ZRANB3: variants seen among roughly 807,000 people sequenced by gnomAD.
The protein encoded by ZRANB3 is zinc finger RANBP2-type containing 3.
Under a neutral mutation model 133.8 loss-of-function variants are expected in ZRANB3, and 125 were observed. The ratio of observed to expected loss-of-function variants is 0.93; its 90% CI spans 0.81 to 1.08. The LOEUF (loss-of-function observed/expected upper bound fraction) is 1.08, where lower values mean the gene tolerates loss of function less well. Ranked by LOEUF, ZRANB3 falls within the 50% of genes least tolerant of loss-of-function variation. ZRANB3 has a pLI of 0.00. For synonymous variants in ZRANB3, 387 were observed against 432.7 expected, an observed-to-expected ratio of 0.89 and a Z score of 1.31; for missense variants, 1,229 against 1,275.5, an observed-to-expected ratio of 0.96 and a Z score of 0.56.
chr2:135,441,543 T>C (rs1049971178), intron 2 of ZRANB3, among the ~76,000 whole-genome samples: 14 of 152,128 alleles, frequency 9.2e-5, no homozygotes, highest in African/African-American at 2.6e-4. Flanking sequence ...AATACACACA[T>C]GCATACACAT....
At chr2:135,201,824 C>T (rs1457983987) in intron 20 of ZRANB3, among the ~76,000 whole-genome samples, 1 of 152,196 alleles carries the variant, frequency 6.6e-6, no homozygotes, top group East Asian at 1.9e-4. Flanking sequence ...CCCTGCACCA[C>T]ATTGGCACCC....
chr2:135,274,778 C>T (rs921141984), intron 9 of ZRANB3, among the ~76,000 whole-genome samples: 3 of 151,980 alleles, frequency 2.0e-5, no homozygotes, highest in East Asian at 1.9e-4. Context: ...TGCGGCCTTC[C>T]GCAGTGTTTG....
chr2:135,279,468 A>C (rs1680995929), intron 8 of ZRANB3, among the ~76,000 whole-genome samples: 1 of 152,248 alleles, frequency 6.6e-6, no homozygotes, highest in Admixed American at 6.5e-5. Context: ...AACCACTTTA[A>C]TAAAGTGCAT....
chr2:135,289,262 TTTTTTG>T (rs952454110), intron 8 of ZRANB3, among the ~76,000 whole-genome samples: 9 of 152,084 alleles, frequency 5.9e-5, no homozygotes, highest in African/African-American at 2.2e-4. Flanking sequence ...GTTGATTTCT[TTTTTTG>T]TTTTTAAGAC....
intron 6 of ZRANB3, among the ~76,000 whole-genome samples, chr2:135,343,082 A>G (rs1466447524): frequency 7.2e-6 from 1 of 138,356 alleles, no homozygotes; most frequent in Non-Finnish European, 1.5e-5. Flanking sequence ...AGCTACTTGG[A>G]GGCTGAGGCA....
In ZRANB3 at chr2:135,341,983, T is replaced by A. The variant is rs566331864; in HGVS notation, c.677+3567A>T. ...CTAGTTTCACCCTGGCCTTATGACC[T>A]TGCCCTACCCATTTGCCTTGTGATA... On this transcript the variant is annotated intron_variant, in intron 6 of 20. Coordinates refer to ENST00000264159, the MANE Select transcript of ZRANB3 (RefSeq NM_032143.4). 4.0e-5 allele frequency among the ~76,000 whole-genome samples: 6 copies of A among 150,102 alleles called. No individual in the cohort carries two copies. In the South Asian group the frequency reaches 1.2e-3, roughly 31 times the overall value.
intron 8 of ZRANB3, among the ~76,000 whole-genome samples, chr2:135,288,130 T>C (rs553409214): frequency 8.5e-5 from 13 of 152,250 alleles, no homozygotes; most frequent in Admixed American, 5.2e-4. Flanking sequence ...TTGCTGAGGG[T>C]TTTAATCACA....
intron 12 of ZRANB3, among the ~76,000 whole-genome samples, chr2:135,233,584 C>A (rs1558849575): frequency 6.6e-6 from 1 of 152,236 alleles, no homozygotes; most frequent in Non-Finnish European, 1.5e-5. Flanking sequence ...ATCAGACTAA[C>A]AGCGGATCTC....
chr2:135,459,853 T>G (rs1015628188), intron 2 of ZRANB3, among the ~76,000 whole-genome samples: 5 of 152,116 alleles, frequency 3.3e-5, no homozygotes, highest in African/African-American at 1.2e-4. Flanking sequence ...AGCCAAAAGA[T>G]TAAAAAAATA....
rs148262980 is a variant in ZRANB3, at chr2:135,320,522, C to T, written c.678-4992G>A. 4.2e-3 allele frequency among the ~76,000 whole-genome samples: 645 copies of T among 152,216 alleles called. 16 individuals are homozygous for T. The Middle Eastern group carries it at 0.12, about 29-fold the overall frequency. On this transcript the variant is annotated intron_variant, in intron 6 of 20. Transcript: ENST00000264159. ...ATAATTATTTTCTCATTCAGTTTTA[C>T]AGAGTAAGTAAAAATTCATTTATTC...
rs139203268 is a variant in ZRANB3, at chr2:135,334,366, C to T, written c.677+11184G>A. ...GTGAGGGTTTCTCAAATCCCTTCCA[C>T]ACAAAGCTGACTTTCTAAGTCTCAA... is the stretch of plus-strand genomic sequence containing the variant. On this transcript the variant is annotated intron_variant, in intron 6 of 20. Transcript: ENST00000264159. Among the ~76,000 whole-genome samples, 24 of 152,340 alleles carry T rather than the reference C, an allele frequency of 1.6e-4. No homozygotes were observed. The East Asian group carries it at 4.4e-3, about 28-fold the overall frequency.
intron 12 of ZRANB3, among the ~76,000 whole-genome samples, chr2:135,263,046 AAAAG>A (rs1431394994): frequency 2.0e-5 from 3 of 152,276 alleles, no homozygotes; most frequent in Non-Finnish European, 4.4e-5. Flanking sequence ...TTTATAAAAT[AAAAG>A]AAATAAAAAC....
chr2:135,335,954 T>C (rs1053614580), intron 6 of ZRANB3, among the ~76,000 whole-genome samples: 17 of 152,190 alleles, frequency 1.1e-4, no homozygotes, highest in Non-Finnish European at 2.1e-4. Context: ...ACTCACCAAG[T>C]GCTTATAAAA....
At chr2:135,359,895 T>C (rs1296392905) in intron 3 of ZRANB3, among the ~76,000 whole-genome samples, 1 of 152,174 alleles carries the variant, frequency 6.6e-6, no homozygotes, top group African/African-American at 2.4e-5. Flanking sequence ...TAGGTATTTG[T>C]TTTTGGTTGT....
chr2:135,287,578 A>G (rs550374042), intron 8 of ZRANB3, among the ~76,000 whole-genome samples: 110 of 148,940 alleles, frequency 7.4e-4, no homozygotes, highest in African/African-American at 2.5e-3. Context: ...ACGTGTTTCC[A>G]TTTGTTAGTG....
At chr2:135,254,231 A>G (rs1411527981) in intron 12 of ZRANB3, among the ~76,000 whole-genome samples, 1 of 152,178 alleles carries the variant, frequency 6.6e-6, no homozygotes. Flanking sequence ...TCCAGCTCAG[A>G]TATTTCCTAA....
intron 1 of ZRANB3, chr2:135,511,089 T>G (rs780280514): frequency 5.2e-6 from 4 of 769,694 alleles, no homozygotes; most frequent in Admixed American, 1.7e-5. Context: ...AGGCTTAGAC[T>G]CTGTACAGGG....
At chr2:135,304,275 T>C (rs546899178) in intron 8 of ZRANB3, among the ~76,000 whole-genome samples, 1 of 152,334 alleles carries the variant, frequency 6.6e-6, no homozygotes, top group South Asian at 2.1e-4. Context: ...AGTTCCTTTC[T>C]ATTCCTGATT....
At chr2:135,237,936 TAAAAACA>T (rs936069543) in intron 12 of ZRANB3, among the ~76,000 whole-genome samples, 148 of 152,204 alleles carry the variant, frequency 9.7e-4, no homozygotes, top group African/African-American at 3.2e-3. Flanking sequence ...AAAGTATAAC[TAAAAACA>T]AAAAACAAAA....
Sources: gnomAD v4.1 joint callset for allele counts (sites outside exome capture counted in the v4.1 genomes callset) on GRCh38, gnomAD v4.1.1 for gene constraint, MANE v1.5 for transcripts, NCBI Gene and HGNC (gene_info 2026-07-23, HGNC 2026-07-21) for gene names.